Variants in FARSA observed in about 807,000 individuals in gnomAD.
FARSA encodes the protein phenylalanine--tRNA ligase alpha subunit.
FARSA carries 37 observed loss-of-function variants against 63.2 expected under a neutral mutation model. That is an observed-to-expected ratio of 0.59 (90% CI 0.45 to 0.77). The LOEUF is 0.77. Among genes scored for constraint, FARSA ranks in the 30% least tolerant of loss-of-function variants. The pLI is 0.00. For synonymous variants in FARSA, 312 were observed against 285.1 expected (o/e 1.09, Z -0.95); for missense variants, 618 against 696.6 (o/e 0.89, Z 1.27).
chr19:12,928,115 A>G (rs1317185368), intron 7 of FARSA, among the ~76,000 whole-genome samples: 3 of 151,734 alleles, frequency 2.0e-5, no homozygotes, highest in Non-Finnish European at 4.4e-5. Context: ...ATTTAACTCA[A>G]TTAATTTTTT....
At chr19:12,926,510 C>T (rs111851259) in intron 7 of FARSA, among the ~76,000 whole-genome samples, 9,105 of 151,448 alleles carry the variant, frequency 0.06, 949 homozygotes, top group African/African-American at 0.21. Context: ...CCTGACCTCG[C>T]GATCCGCCCG....
chr19:12,923,771 C>T (rs552146045), intron 12 of FARSA, among the ~76,000 whole-genome samples: 3 of 152,340 alleles, frequency 2.0e-5, no homozygotes, highest in African/African-American at 4.8e-5. Context: ...TGTGCCACCA[C>T]GCCTGGCCTG....
intron 4 of FARSA, among the ~76,000 whole-genome samples, chr19:12,929,994 C>A (rs574046612): frequency 5.9e-5 from 9 of 152,290 alleles, no homozygotes; most frequent in African/African-American, 2.2e-4. Context: ...AGGAGAGAGA[C>A]TTGATGAGGA....
intron 12 of FARSA, 131 bp from the exon 13 acceptor site, chr19:12,923,017 C>G: frequency 1.7e-6 from 2 of 1,193,338 alleles, no homozygotes; most frequent in Non-Finnish European, 2.4e-6. Context: ...CCTGCGCCAA[C>G]TGCTCTATCA....
intron 4 of FARSA, among the ~76,000 whole-genome samples, chr19:12,929,726 T>G (rs1381153191): frequency 6.6e-6 from 1 of 152,156 alleles, no homozygotes; most frequent in Non-Finnish European, 1.5e-5. Flanking sequence ...AGCCCGAACT[T>G]CAGTTAGGCA....
At chr19:12,926,407 G>A (rs532202002) in intron 7 of FARSA, among the ~76,000 whole-genome samples, 124 of 150,586 alleles carry the variant, frequency 8.2e-4, no homozygotes, top group Non-Finnish European at 1.6e-3. Flanking sequence ...GAGTAGCTGG[G>A]ACTACAGGCG....
At position 12,933,534 on chromosome 19, in the gene FARSA, C is replaced by G. The variant is rs777905681; in HGVS notation, c.147+16G>C. 5 of 1,538,530 alleles carry G rather than the reference C, an allele frequency of 3.2e-6. No individual in the cohort carries two copies. Among genetic ancestry groups the G allele is most frequent in the Non-Finnish European group, 3.5e-6 (4 of 1,146,816 alleles). The stretch of plus-strand genomic sequence containing the variant: ...GTGCAAGGGCAAGGCGGTCCGGCAT[C>G]ACGGGCCCGGCTCACCTCGCCCAGC... On this transcript the variant is annotated intron_variant, in intron 1 of 12. Coordinates refer to ENST00000314606, the MANE Select transcript of FARSA (RefSeq NM_004461.3).
chr19:12,928,518 C>A lies in FARSA; in HGVS notation c.725+17G>T. 1.9e-6 allele frequency: 3 copies of A among 1,614,076 alleles called. No individual in the cohort carries two copies. In the African/African-American group the frequency reaches 4.0e-5, roughly 22 times the overall value. ...CCCAGCAGAAGCACCAGGCACCGCC[C>A]CCAGCCCTGTGCTCACCCCATCTCC... is the stretch of plus-strand genomic sequence containing the variant. On this transcript the variant is annotated intron_variant, in intron 6 of 12. Coordinates refer to ENST00000314606, the MANE Select transcript of FARSA (RefSeq NM_004461.3).
At chr19:12,931,378 C>T (rs981609704) in intron 1 of FARSA, among the ~76,000 whole-genome samples, 4 of 152,156 alleles carry the variant, frequency 2.6e-5, no homozygotes, top group African/African-American at 9.7e-5. Context: ...ATTCTCCTGC[C>T]TCAGCCTCCC....
intron 4 of FARSA, among the ~76,000 whole-genome samples, 172 bp downstream of exon 4, chr19:12,930,051 C>T (rs1971372879): frequency 6.6e-6 from 1 of 152,130 alleles, no homozygotes; most frequent in South Asian, 2.1e-4. Context: ...CAGAAGGGTC[C>T]TCATGGGCAA....
chr19:12,926,581 CAA>C (rs1236066358), intron 7 of FARSA, among the ~76,000 whole-genome samples: 2 of 152,010 alleles, frequency 1.3e-5, no homozygotes, highest in Non-Finnish European at 2.9e-5. Flanking sequence ...CCTAAAGAGA[CAA>C]AGTCTTGCTC....
intron 3 of FARSA, 40 bp downstream of exon 3, chr19:12,930,389 G>C: frequency 1.9e-6 from 3 of 1,612,694 alleles, no homozygotes; most frequent in Middle Eastern, 1.7e-4. Flanking sequence ...GGGCCCATGT[G>C]CCCGTCCACC....
At position 12,928,472 on chromosome 19, in the gene FARSA, A is replaced by G; in HGVS notation, c.726-15T>C. The stretch of plus-strand genomic sequence containing the variant: ...TCTCGGTGAACCTGGTGGGAGACAC[A>G]GCCTGACTGCCCTGCCTGTACCCAG... On this transcript the variant is annotated splice_polypyrimidine_tract_variant and intron_variant, in intron 6 of 12. Transcript: ENST00000314606. 1.2e-6 allele frequency: 2 copies of G among 1,613,980 alleles called. No homozygotes were observed. Among genetic ancestry groups the G allele is most frequent in the Non-Finnish European group, 8.5e-7 (1 of 1,179,918 alleles).
Position 12,930,304 on chromosome 19 carries a change from T to C in FARSA, c.422A>G (p.Gln141Arg). ...CTCAGCCTGTCCCCCCCGGACCAGCTGGAGCCGCCGCTGCACCTCATCCTC... is the reference window on the plus strand; with the variant it reads ...CTCAGCCTGTCCCCCCCGGACCAGCCGGAGCCGCCGCTGCACCTCATCCTC... ...SMEDEVQRRLQLVRGGQAEKL... is the reference protein window; with the variant it reads ...SMEDEVQRRLRLVRGGQAEKL... The change falls in exon 4 of 13, where the codon CAG becomes CGG. Residue 141 changes from glutamine to arginine, a missense_variant. Transcript: ENST00000314606. 1 of 1,614,060 alleles carries C rather than the reference T, an allele frequency of 6.2e-7. No homozygotes were observed. The highest frequency in any genetic ancestry group is 1.3e-5 in the African/African-American group (1 of 75,054).
intron 1 of FARSA, 26 bp from the exon 2 acceptor site, chr19:12,930,775 C>G (rs1447663907): frequency 1.2e-6 from 2 of 1,601,900 alleles, no homozygotes; most frequent in South Asian, 1.1e-5. Flanking sequence ...GGGAGGGTGT[C>G]CAGGCAGGGG....
rs144968946 is a variant in FARSA at position 12,930,293 on chromosome 19, C to T, written c.433G>A (p.Gly145Arg). ...TCCCCCAGCTTCTCAGCCTGTCCCC[C>T]CCGGACCAGCTGGAGCCGCCGCTGC... ...EVQRRLQLVR[G>R]GQAEKLGEKE... The change falls in exon 4 of 13, where the codon GGG becomes AGG. Residue 145 changes from glycine to arginine, a missense_variant. Coordinates refer to ENST00000314606, the MANE Select transcript of FARSA (RefSeq NM_004461.3). The T allele has an allele frequency of 3.1e-6, 5 of 1,614,022 alleles. No homozygotes were observed. Among genetic ancestry groups the T allele is most frequent in the African/African-American group, 2.7e-5 (2 of 74,940 alleles).
At chr19:12,933,466 A>G in intron 1 of FARSA, 84 bp downstream of exon 1, 3 of 1,472,472 alleles carry the variant, frequency 2.0e-6, no homozygotes, top group Non-Finnish European at 2.7e-6. Context: ...GGCCTGAGGG[A>G]ATTTGGCTTG....
chr19:12,930,816 C>T, intron 1 of FARSA, 67 bp from the exon 2 acceptor site: 19 of 1,577,496 alleles, frequency 1.2e-5, no homozygotes, highest in Non-Finnish European at 1.6e-5. Context: ...CCCCTTTCTG[C>T]AGCGCTGGGT....
Position 12,922,686 on chromosome 19 carries a change from G to A in FARSA, c.*62C>T. 1.3e-6 allele frequency: 2 copies of A among 1,599,194 alleles called. No homozygotes were observed. Among genetic ancestry groups the A allele is most frequent in the South Asian group, 1.1e-5 (1 of 90,746 alleles). Reference sequence around the variant, plus strand: ...TCATAAATACAAGGTCACTGGCCAGGGATGCAAAGGAGCGCAGCAGCAGGG... The same window carrying A: ...TCATAAATACAAGGTCACTGGCCAGAGATGCAAAGGAGCGCAGCAGCAGGG... On this transcript the variant is annotated 3_prime_UTR_variant, in exon 13 of 13. Coordinates refer to ENST00000314606, the MANE Select transcript of FARSA (RefSeq NM_004461.3).
Sources: gnomAD v4.1 joint callset for allele counts (sites outside exome capture counted in the v4.1 genomes callset) on GRCh38, gnomAD v4.1.1 for gene constraint, MANE v1.5 for transcripts, NCBI Gene and HGNC (gene_info 2026-07-23, HGNC 2026-07-21) for gene names.